The following SURF6 variants were observed in gnomAD, a reference collection of about 807,000 sequenced individuals.
SURF6 encodes the protein surfeit 6.
SURF6 carries 28 observed loss-of-function variants against 37.5 expected under a neutral mutation model. The ratio of observed to expected loss-of-function variants is 0.75; its 90% CI spans 0.55 to 1.02. The LOEUF is 1.02. SURF6 is among the 50% of genes least tolerant of loss of function. The probability of loss-of-function intolerance (pLI) is 0.00; values close to 1 mark genes in which losing one functional copy is unlikely to be tolerated. For synonymous variants in SURF6, 248 were observed against 210.9 expected (o/e 1.18, Z -1.52); for missense variants, 560 against 490.5 (o/e 1.14, Z -1.34).
At position 133,332,664 on chromosome 9, in the gene SURF6, C is replaced by A. The variant is rs969914309; in HGVS notation, c.490G>T (p.Ala164Ser). ...TCAGCCTTCCTGGCCTTCTCTTTCGCCCGCAGCTCCTTTCGCTTCCTCTTC... is the reference window on the plus strand; with the variant it reads ...TCAGCCTTCCTGGCCTTCTCTTTCGACCGCAGCTCCTTTCGCTTCCTCTTC... ...RKKRKRKELR[A>S]KEKARKAEEA... Residue 164 changes from alanine to serine, a missense_variant, in exon 4 of 5, where the codon GCG becomes TCG. Physicochemically the swap from Ala to Ser is moderately conservative, Grantham distance 99 (BLOSUM62 1). Coordinates refer to ENST00000372022, the MANE Select transcript of SURF6 (RefSeq NM_006753.6). 1 of 1,612,190 alleles carries A rather than the reference C, an allele frequency of 6.2e-7. No individual in the cohort carries two copies. The highest frequency in any genetic ancestry group is 1.3e-5 in the African/African-American group (1 of 74,946).
At position 133,334,450 on chromosome 9, in the gene SURF6, C is replaced by T; in HGVS notation, c.246G>A (p.Arg82=). ...CTGCTTCCTCTTTGGCTGCCTCAGG[C>T]CTCCTGGCCCCAGAGGCTGCTGGAG... The part of the protein sequence containing the change: ...EKSPAASGAR[R]PEAAKEEAAW... The change falls in exon 2 of 5, where the codon AGG becomes AGA. Residue 82 remains arginine, a synonymous_variant. Transcript: ENST00000372022. 1.2e-6 allele frequency: 2 copies of T among 1,614,098 alleles called. No homozygotes were observed. Among genetic ancestry groups the T allele is most frequent in the South Asian group, 2.2e-5 (2 of 91,088 alleles).
intron 1 of SURF6, among the ~76,000 whole-genome samples, chr9:133,335,089 A>T (rs2129929903): frequency 6.6e-6 from 1 of 152,256 alleles, no homozygotes; most frequent in Non-Finnish European, 1.5e-5. Flanking sequence ...CCTCCGGAGT[A>T]GCTGGGACTA....
At position 133,331,021 on chromosome 9, in the gene SURF6, G is replaced by T. The variant is rs2129908496; in HGVS notation, c.*848C>A. Reference sequence around the variant, plus strand: ...TCATAACCGGAGAGTTTCATCAAAAGAATTTTATTTACAGCTTTATCATCC... The same window carrying T: ...TCATAACCGGAGAGTTTCATCAAAATAATTTTATTTACAGCTTTATCATCC... On this transcript the variant is annotated 3_prime_UTR_variant, in exon 5 of 5. Transcript: ENST00000372022. The T allele has an allele frequency of 2.6e-5, 4 of 152,144 alleles. No individual in the cohort carries two copies. Among genetic ancestry groups the T allele is most frequent in the South Asian group, 2.1e-4 (1 of 4,830 alleles). The allele number at this position is 152,144 out of a possible 1,614,324, so 9.4% of individuals were successfully genotyped here. A position where few individuals can be genotyped will look rare whatever the true frequency, so the allele number is the denominator to read the frequency against.
Position 133,336,181 on chromosome 9 carries a change from C to G in SURF6, c.-49G>C, listed in dbSNP as rs2129935052. 5 of 1,513,346 alleles carry G rather than the reference C, an allele frequency of 3.3e-6. No individual in the cohort carries two copies. The South Asian group carries it at 4.6e-5, about 14-fold the overall frequency. 93.7% of individuals were successfully genotyped at this position (1,513,346 alleles called of 1,614,324 possible). On this transcript the variant is annotated 5_prime_UTR_variant, in exon 1 of 5. Coordinates refer to ENST00000372022, the MANE Select transcript of SURF6 (RefSeq NM_006753.6). Reference sequence around the variant, plus strand: ...ACTCACACCTTCCCCGCTGCGCGTGCGACTCTCACCACCTCCGCCGGAAAC... The same window carrying G: ...ACTCACACCTTCCCCGCTGCGCGTGGGACTCTCACCACCTCCGCCGGAAAC...
intron 2 of SURF6, among the ~76,000 whole-genome samples, 166 bp downstream of exon 2, chr9:133,334,226 G>A (rs2129926271): frequency 2.6e-5 from 4 of 152,092 alleles, no homozygotes; most frequent in African/African-American, 4.8e-5. Flanking sequence ...CAGTTCCTTC[G>A]GTCCCATCCA....
At position 133,331,929 on chromosome 9, in the gene SURF6, G is replaced by C. The variant is rs2129912732; in HGVS notation, c.1026C>G (p.Leu342=). The change falls in exon 5 of 5, where the codon CTC becomes CTG. Residue 342 remains leucine, a synonymous_variant. Coordinates refer to ENST00000372022, the MANE Select transcript of SURF6 (RefSeq NM_006753.6). ...GGATGCGGCCCTTCTTGCGGGCTCT[G>C]AGCAGGCGGCGCTCGGCGCGGGCCG... is the stretch of plus-strand genomic sequence containing the variant. ...KKAARAERRL[L]RARKKGRILP... 1.3e-5 allele frequency: 21 copies of C among 1,580,676 alleles called. No individual in the cohort carries two copies. The African/African-American group carries it at 2.8e-4, about 21-fold the overall frequency.
chr9:133,332,025 G>C lies in SURF6; in HGVS notation c.930C>G (p.Arg310=), dbSNP rs2129914018. The change falls in exon 5 of 5, where the codon CGC becomes CGG. Residue 310 remains arginine, a synonymous_variant. Coordinates refer to ENST00000372022, the MANE Select transcript of SURF6 (RefSeq NM_006753.6). ...RAQRQRRWEK[R]TAGVVEKMQQ... is the part of the protein sequence containing the mutation. ...GCATCTTCTCCACCACGCCGGCCGT[G>C]CGCTTCTCCCACCGGCGCTGCCGCT... The C allele has an allele frequency of 1.9e-6, 3 of 1,601,634 alleles. No individual in the cohort carries two copies. The highest frequency in any genetic ancestry group is 2.5e-6 in the Non-Finnish European group (3 of 1,179,302).
chr9:133,331,826 G>C lies in SURF6; in HGVS notation c.*43C>G, dbSNP rs2129911744. Reference sequence around the variant, plus strand: ...CGTCAAGGACTCAGAGGGTGTCCTGGAGTCTCCTAGGACGGAAGACGGCGG... The same window carrying C: ...CGTCAAGGACTCAGAGGGTGTCCTGCAGTCTCCTAGGACGGAAGACGGCGG... On this transcript the variant is annotated 3_prime_UTR_variant, in exon 5 of 5. Coordinates refer to ENST00000372022, the MANE Select transcript of SURF6 (RefSeq NM_006753.6). The C allele has an allele frequency of 4.7e-5, 70 of 1,488,724 alleles. No individual in the cohort carries two copies. The highest frequency in any genetic ancestry group is 2.8e-4 in the Admixed American group (12 of 42,908). The allele number at this position is 1,488,724 out of a possible 1,614,324, so 92.2% of individuals were successfully genotyped here. A position where few individuals can be genotyped will look rare whatever the true frequency, so the allele number is the denominator to read the frequency against.
In SURF6 at chr9:133,336,097, C is replaced by T. The variant is rs2129934036; in HGVS notation, c.36G>A (p.Gln12=). 14 of 1,612,976 alleles carry T rather than the reference C, an allele frequency of 8.7e-6. No homozygotes were observed. Among genetic ancestry groups the T allele is most frequent in the East Asian group, 2.2e-5 (1 of 44,870 alleles). The change falls in exon 1 of 5, where the codon CAG becomes CAA. Residue 12 remains glutamine, a synonymous_variant. Transcript: ENST00000372022. ...GGGAGCAGATCTTCTTGGCCAGGCTCTGCAGGTAGGCGTCCTTGGCGAGTA... is the reference window on the plus strand; with the variant it reads ...GGGAGCAGATCTTCTTGGCCAGGCTTTGCAGGTAGGCGTCCTTGGCGAGTA... ...ASLLAKDAYL[Q]SLAKKICSHS...
chr9:133,333,073 G>T (rs1334524925), intron 3 of SURF6: 4 of 407,378 alleles, frequency 9.8e-6, no homozygotes, highest in African/African-American at 2.0e-5. Context: ...CCACTGCCTA[G>T]AACTTGGAGT....
chr9:133,332,827 G>A, intron 3 of SURF6, 67 bp from the exon 4 acceptor site: 1 of 1,513,846 alleles, frequency 6.6e-7, no homozygotes, highest in Admixed American at 1.8e-5. Context: ...CTGGCCCATA[G>A]TCGAGAAGAA....
At chr9:133,332,429 G>T (rs1835767664) in intron 4 of SURF6, 81 bp from the exon 5 acceptor site, 1 of 1,529,482 alleles carries the variant, frequency 6.5e-7, no homozygotes, top group African/African-American at 1.4e-5. Flanking sequence ...GGACCTGCGA[G>T]GTCCCCGTCA....
At chr9:133,335,994 C>T in intron 1 of SURF6, 45 bp downstream of exon 1, 3 of 1,552,372 alleles carry the variant, frequency 1.9e-6, no homozygotes, top group Non-Finnish European at 2.6e-6. Flanking sequence ...GGCCGCGTCC[C>T]CCGTTTCGCA....
Position 133,334,488 on chromosome 9 carries a change from A to G in SURF6, c.208T>C (p.Leu70=), listed in dbSNP as rs1835823923. Residue 70 remains leucine (L), a synonymous_variant, in exon 2 of 5, where the codon TTG becomes CTG. Transcript: ENST00000372022. The part of the protein sequence containing the change: ...EKAAEHKAKS[L]GEKSPAASGA... ...GAGGCTGCTGGAGATTTCTCCCCCA[A>G]GGACTTGGCCTTGTGCTCAGCAGCC... The G allele has an allele frequency of 6.2e-7, 1 of 1,614,096 alleles. No individual in the cohort carries two copies.
Position 133,330,007 on chromosome 9 carries a change from T to C in SURF6, c.*1862A>G, listed in dbSNP as rs1364938601. On this transcript the variant is annotated 3_prime_UTR_variant, in exon 5 of 5. Coordinates refer to ENST00000372022, the MANE Select transcript of SURF6 (RefSeq NM_006753.6). Reference sequence around the variant, plus strand: ...TAGGGGAACATTCTTAACTACTGACTCAATTTCATCAGTGATTACAACTCA... The same window carrying C: ...TAGGGGAACATTCTTAACTACTGACCCAATTTCATCAGTGATTACAACTCA... 6.6e-6 allele frequency: 1 copy of C among 152,214 alleles called. No individual in the cohort carries two copies. Among genetic ancestry groups the C allele is most frequent in the Non-Finnish European group, 1.5e-5 (1 of 68,034 alleles). 9.4% of individuals were successfully genotyped at this position (152,214 alleles called of 1,614,324 possible).
In SURF6 at chr9:133,331,589, G is replaced by A. The variant is rs1835727788; in HGVS notation, c.*280C>T. On this transcript the variant is annotated 3_prime_UTR_variant, in exon 5 of 5. Transcript: ENST00000372022. The stretch of plus-strand genomic sequence containing the variant: ...CCCTGACCCTGCAAACCTCGGGGAA[G>A]CTTTCAGGCCCGGGAAAGCAGACCA... 2.6e-6 allele frequency: 1 copy of A among 391,540 alleles called. No homozygotes were observed. Among genetic ancestry groups the A allele is most frequent in the Non-Finnish European group, 4.4e-6 (1 of 226,724 alleles). The allele number at this position is 391,540 out of a possible 1,614,324, so 24.3% of individuals were successfully genotyped here.
rs962803808 is a variant in SURF6, at chr9:133,334,549, C to T, written c.147G>A (p.Lys49=). The change falls in exon 2 of 5, where the codon AAG becomes AAA. Residue 49 remains lysine, a synonymous_variant. Coordinates refer to ENST00000372022, the MANE Select transcript of SURF6 (RefSeq NM_006753.6). ...ETAGPPKKKR[K]KTQKKFRKRE... ...GCTTCCGGAATTTCTTTTGTGTTTT[C>T]TTCCTTTTCTTTTTTGGGGGCCCTG... The T allele has an allele frequency of 6.2e-7, 1 of 1,613,452 alleles. No homozygotes were observed. The highest frequency in any genetic ancestry group is 8.5e-7 in the Non-Finnish European group (1 of 1,179,982).
chr9:133,331,042 C>A lies in SURF6; in HGVS notation c.*827G>T, dbSNP rs1439398430. On this transcript the variant is annotated 3_prime_UTR_variant, in exon 5 of 5. Transcript: ENST00000372022. ...AAAAGAATTTTATTTACAGCTTTAT[C>A]ATCCATATGCCACTAAAATTCACCT... 1 of 152,230 alleles carries A rather than the reference C, an allele frequency of 6.6e-6. No homozygotes were observed. The highest frequency in any genetic ancestry group is 2.4e-5 in the African/African-American group (1 of 41,454). 9.4% of individuals were successfully genotyped at this position (152,230 alleles called of 1,614,324 possible).
intron 3 of SURF6, 86 bp from the exon 4 acceptor site, chr9:133,332,846 G>A: frequency 7.4e-7 from 1 of 1,350,774 alleles, no homozygotes; most frequent in Non-Finnish European, 1.0e-6. Context: ...AATCAGGGCT[G>A]GAAGGCAGGT....
Sources: allele counts gnomAD v4.1 joint callset (sites outside exome capture counted in the v4.1 genomes callset), GRCh38; gene constraint gnomAD v4.1.1; transcripts MANE v1.5; gene names NCBI Gene and HGNC (gene_info 2026-07-23, HGNC 2026-07-21).